AFF1: variants seen among roughly 807,000 people sequenced by gnomAD.
AFF1 encodes ALF transcription elongation factor 1.
Under a neutral mutation model 121.7 loss-of-function variants are expected in AFF1, and 48 were observed. That is an observed-to-expected ratio of 0.39 (90% CI 0.31 to 0.50). The LOEUF is 0.50. AFF1 is among the 20% of genes least tolerant of loss of function. The pLI is 0.76. For synonymous variants in AFF1, 613 were observed against 563.0 expected (o/e 1.09, Z -1.26); for missense variants, 1,523 against 1,511.7 (o/e 1.01, Z -0.12).
intron 2 of AFF1, among the ~76,000 whole-genome samples, chr4:86,960,688 A>G (rs1251867862): frequency 6.6e-6 from 1 of 152,188 alleles, no homozygotes; most frequent in Non-Finnish European, 1.5e-5. Flanking sequence ...AAGATTGCAA[A>G]TTGCTGCCTA....
intron 2 of AFF1, among the ~76,000 whole-genome samples, chr4:86,964,290 A>T (rs1308806686): frequency 6.8e-6 from 1 of 146,640 alleles, no homozygotes; most frequent in African/African-American, 2.5e-5. Flanking sequence ...CATCCAGCTA[A>T]TTTTTTTTAT....
chr4:87,029,842 A>T (rs1171161461), intron 2 of AFF1, among the ~76,000 whole-genome samples: 1 of 152,194 alleles, frequency 6.6e-6, no homozygotes, highest in Admixed American at 6.5e-5. Flanking sequence ...GCATTGTGAA[A>T]AGGTCAAGCT....
intron 10 of AFF1, 92 bp from the exon 11 acceptor site, chr4:87,108,067 G>T: frequency 2.1e-6 from 3 of 1,433,904 alleles, no homozygotes; most frequent in Non-Finnish European, 1.9e-6. Context: ...ACCAAGGCCC[G>T]CCCTTTTGAG....
At chr4:86,958,725 A>C (rs1301240442) in intron 2 of AFF1, among the ~76,000 whole-genome samples, 1 of 152,142 alleles carries the variant, frequency 6.6e-6, no homozygotes, top group East Asian at 1.9e-4. Flanking sequence ...CAAAAAAATA[A>C]AATAAAATAA....
rs577936836 is a variant in AFF1 at position 87,006,809 on chromosome 4, C to CCAG, written c.39-39353_39-39351dup. 1.3e-4 allele frequency among the ~76,000 whole-genome samples: 20 copies of CCAG among 152,352 alleles called. No individual in the cohort carries two copies. The South Asian group carries it at 4.1e-3, about 32-fold the overall frequency. ...CCCGCAGGCGGGGCTCGGCCGGGGACCAGCAGGGCTTGTCGGCGCCCAGGC... is the reference window on the plus strand; with the variant it reads ...CCCGCAGGCGGGGCTCGGCCGGGGACCAGCAGCAGGGCTTGTCGGCGCCCAGGC... On this transcript the variant is annotated intron_variant, in intron 2 of 20. Transcript: ENST00000395146.
chr4:86,945,319 C>CTTTTTTTT (rs72025655), intron 1 of AFF1, among the ~76,000 whole-genome samples: 1 of 111,690 alleles, frequency 9.0e-6, no homozygotes, highest in South Asian at 2.5e-4. Context: ...TTTTCTTTTC[C>CTTTTTTTT]TTTTTTTTTT....
chr4:87,008,468 A>G (rs113438325), intron 2 of AFF1, among the ~76,000 whole-genome samples: 6,403 of 152,256 alleles, frequency 0.042, 437 homozygotes, highest in African/African-American at 0.15. Flanking sequence ...CCTGCTTTTT[A>G]TATTTCTTCT....
intron 2 of AFF1, among the ~76,000 whole-genome samples, chr4:86,965,624 G>A (rs1349015571): frequency 6.6e-6 from 1 of 152,126 alleles, no homozygotes; most frequent in African/African-American, 2.4e-5. Context: ...AAAAATAATT[G>A]ATAGTATCAT....
At chr4:86,985,214 T>TA (rs1553912863) in intron 2 of AFF1, among the ~76,000 whole-genome samples, 6 of 104,560 alleles carry the variant, frequency 5.7e-5, no homozygotes, top group Non-Finnish European at 1.3e-4. Flanking sequence ...TATATATATA[T>TA]AAAATTATAT....
intron 3 of AFF1, 87 bp downstream of exon 3, chr4:87,046,373 A>T (rs1730695327): frequency 6.8e-7 from 1 of 1,475,082 alleles, no homozygotes; most frequent in African/African-American, 1.4e-5. Flanking sequence ...TTGAGTTCGA[A>T]CAAGGGTCAC....
intron 2 of AFF1, among the ~76,000 whole-genome samples, chr4:87,021,938 C>T (rs1191284130): frequency 6.6e-6 from 1 of 152,200 alleles, no homozygotes; most frequent in Non-Finnish European, 1.5e-5. Flanking sequence ...CGCAGTGGCA[C>T]GCGCCTGTAA....
chr4:87,114,345 T>C (rs1726852689), intron 11 of AFF1, 22 bp from the exon 12 acceptor site: 1 of 1,570,210 alleles, frequency 6.4e-7, no homozygotes, highest in East Asian at 2.2e-5. Context: ...GTTAACACTT[T>C]TCTTTCTTTC....
At chr4:86,958,730 A>AAATAAAT (rs772910949) in intron 2 of AFF1, among the ~76,000 whole-genome samples, 2 of 152,114 alleles carry the variant, frequency 1.3e-5, no homozygotes, top group Admixed American at 1.3e-4. Flanking sequence ...AAATAAAATA[A>AAATAAAT]AATAAATAAT....
intron 2 of AFF1, among the ~76,000 whole-genome samples, chr4:87,005,438 G>T (rs1271767894): frequency 1.3e-5 from 2 of 152,218 alleles, no homozygotes; most frequent in Admixed American, 1.3e-4. Context: ...CTTCCAAAAT[G>T]CTTGAAAGCT....
rs376774561 is a variant in AFF1, at chr4:86,960,215, A to G, written c.38+11644A>G. Among the ~76,000 whole-genome samples, 9 of 152,306 alleles carry G rather than the reference A, an allele frequency of 5.9e-5. No homozygotes were observed. The East Asian group carries it at 1.5e-3, about 26-fold the overall frequency. On this transcript the variant is annotated intron_variant, in intron 2 of 20. Transcript: ENST00000395146. ...GAAAAGATCTTTCTTTAAGGTTACA[A>G]GGGAGCTGCCGCTGTTACCCAGGAT...
At chr4:87,008,825 A>G (rs972596596) in intron 2 of AFF1, among the ~76,000 whole-genome samples, 8 of 152,186 alleles carry the variant, frequency 5.3e-5, no homozygotes, top group Non-Finnish European at 1.2e-4. Context: ...CTACTGTACC[A>G]TTGATTTCTT....
chr4:87,036,738 C>T, intron 2 of AFF1: 2 of 485,484 alleles, frequency 4.1e-6, no homozygotes, highest in South Asian at 1.5e-5. Context: ...TATTAACTAC[C>T]CCAGTTAAGA....
At chr4:86,985,243 G>T (rs1207125844) in intron 2 of AFF1, among the ~76,000 whole-genome samples, 2 of 136,852 alleles carry the variant, frequency 1.5e-5, no homozygotes, top group Non-Finnish European at 3.1e-5. Flanking sequence ...GGGCAGAGGG[G>T]CTCACGCCTG....
chr4:87,080,406 G>A (rs1382432077), intron 4 of AFF1, among the ~76,000 whole-genome samples: 1 of 152,230 alleles, frequency 6.6e-6, no homozygotes, highest in South Asian at 2.1e-4. Context: ...CCTTATCTCA[G>A]TTGTGGCTTA....
Sources: gnomAD v4.1 joint callset for allele counts (sites outside exome capture counted in the v4.1 genomes callset) on GRCh38, gnomAD v4.1.1 for gene constraint, MANE v1.5 for transcripts, NCBI Gene and HGNC (gene_info 2026-07-23, HGNC 2026-07-21) for gene names.